IDO2: variants seen among roughly 807,000 people sequenced by gnomAD.
IDO2 encodes the protein indoleamine 2,3-dioxygenase-like 1 protein.
IDO2 carries 46 observed loss-of-function variants against 45.1 expected under a neutral mutation model. That is an observed-to-expected ratio of 1.02 (90% confidence interval 0.80 to 1.30). The LOEUF (loss-of-function observed/expected upper bound fraction) is 1.30, where lower values mean the gene tolerates loss of function less well. Ranked by LOEUF, IDO2 falls within the 50% of genes most tolerant of loss-of-function variation. The pLI is 0.00. For synonymous variants in IDO2, 218 were observed against 184.9 expected (o/e 1.18, Z -1.45); for missense variants, 544 against 491.8 (o/e 1.11, Z -1.00).
intron 3 of IDO2, among the ~76,000 whole-genome samples, chr8:39,969,284 A>C (rs1442372537): frequency 6.6e-6 from 1 of 152,324 alleles, no homozygotes; most frequent in East Asian, 1.9e-4. Context: ...ACAATAGTTA[A>C]AACTTTTTCT....
chr8:39,955,485 A>G (rs1279711315), intron 2 of IDO2, among the ~76,000 whole-genome samples: 1 of 151,812 alleles, frequency 6.6e-6, no homozygotes, highest in Admixed American at 6.6e-5. Context: ...CGAACTTCTG[A>G]CCTCAGGTGA....
intron 1 of IDO2, among the ~76,000 whole-genome samples, chr8:39,942,464 C>T (rs1371020329): frequency 6.6e-6 from 1 of 152,072 alleles, no homozygotes; most frequent in African/African-American, 2.4e-5. Flanking sequence ...GCCAACATGA[C>T]TAAAGCCTGT....
At chr8:40,015,218 A>C in intron 10 of IDO2, 29 bp from the exon 11 acceptor site, 1 of 1,255,846 alleles carries the variant, frequency 8.0e-7, no homozygotes, top group Non-Finnish European at 1.1e-6. Context: ...ATGTGGAGCT[A>C]TGACGTTATG....
At chr8:39,956,676 G>A (rs1807906537) in intron 2 of IDO2, among the ~76,000 whole-genome samples, 1 of 152,044 alleles carries the variant, frequency 6.6e-6, no homozygotes, top group African/African-American at 2.4e-5. Flanking sequence ...TATAGTAATA[G>A]TAATAACTAT....
chr8:39,980,192 T>C (rs1016747033), intron 4 of IDO2, among the ~76,000 whole-genome samples: 1 of 152,172 alleles, frequency 6.6e-6, no homozygotes, highest in Non-Finnish European at 1.5e-5. Context: ...ATTATCTAGG[T>C]TGCTCTTCAT....
chr8:40,013,268 T>C (rs1563444052), intron 9 of IDO2, among the ~76,000 whole-genome samples: 1 of 152,104 alleles, frequency 6.6e-6, no homozygotes, highest in Non-Finnish European at 1.5e-5. Flanking sequence ...TATAACTGAG[T>C]ATGTGCAATA....
intron 1 of IDO2, among the ~76,000 whole-genome samples, chr8:39,940,589 C>T (rs578099458): frequency 6.6e-6 from 1 of 152,278 alleles, no homozygotes; most frequent in South Asian, 2.1e-4. Flanking sequence ...CTGTTGGAAA[C>T]ATTCAAAACT....
At chr8:39,942,116 T>C (rs1807651541) in intron 1 of IDO2, among the ~76,000 whole-genome samples, 1 of 151,910 alleles carries the variant, frequency 6.6e-6, no homozygotes. Flanking sequence ...TAAGAAAGAA[T>C]TTTTAGAATG....
intron 8 of IDO2, among the ~76,000 whole-genome samples, chr8:40,000,042 A>G (rs1802109942): frequency 6.6e-6 from 1 of 152,230 alleles, no homozygotes; most frequent in South Asian, 2.1e-4. Flanking sequence ...CTTTAAAAAT[A>G]ATCAAAGACA....
At chr8:39,962,508 A>T (rs920691468) in intron 2 of IDO2, among the ~76,000 whole-genome samples, 1 of 152,170 alleles carries the variant, frequency 6.6e-6, no homozygotes, top group Non-Finnish European at 1.5e-5. Flanking sequence ...ATCTTTCATC[A>T]TCCTTTTGAT....
At chr8:39,949,476 G>A (rs1187245791) in intron 2 of IDO2, among the ~76,000 whole-genome samples, 1 of 152,008 alleles carries the variant, frequency 6.6e-6, no homozygotes, top group Non-Finnish European at 1.5e-5. Context: ...AACATTTTTT[G>A]TTTCAGTTTC....
At chr8:39,987,543 T>C (rs1808443579) in intron 6 of IDO2, 1 of 212,278 alleles carries the variant, frequency 4.7e-6, no homozygotes. Flanking sequence ...TGGGTCTCTC[T>C]AGCCCTGTGG....
intron 1 of IDO2, among the ~76,000 whole-genome samples, chr8:39,939,546 C>CAAAAAAAAAAAAAAA (rs55892879): frequency 1.4e-5 from 1 of 71,268 alleles, no homozygotes; most frequent in African/African-American, 5.8e-5. Context: ...GACTCTGTCT[C>CAAAAAAAAAAAAAAA]AAAAAAAAAA....
At chr8:39,997,479 T>C (rs1802063826) in intron 8 of IDO2, among the ~76,000 whole-genome samples, 1 of 151,472 alleles carries the variant, frequency 6.6e-6, no homozygotes, top group South Asian at 2.1e-4. Flanking sequence ...GAGACCAGCC[T>C]GGGCAACATA....
intron 1 of IDO2, among the ~76,000 whole-genome samples, chr8:39,943,057 T>C (rs1482048316): frequency 6.6e-6 from 1 of 152,138 alleles, no homozygotes; most frequent in Admixed American, 6.6e-5. Flanking sequence ...CTGAAGAGAA[T>C]TGAGAATTTT....
intron 9 of IDO2, among the ~76,000 whole-genome samples, chr8:40,007,285 C>T (rs1304136887): frequency 3.3e-5 from 5 of 151,926 alleles, no homozygotes; most frequent in Admixed American, 6.6e-5. Flanking sequence ...GGTGCAAGGA[C>T]AGAGTAGCAA....
At chr8:39,988,805 C>A (rs1373611968) in intron 7 of IDO2, among the ~76,000 whole-genome samples, 2 of 152,166 alleles carry the variant, frequency 1.3e-5, no homozygotes, top group Non-Finnish European at 2.9e-5. Flanking sequence ...CGCTTTCTTT[C>A]TCTCTCAGTA....
chr8:39,978,540 G>C (rs1368531914), intron 3 of IDO2, among the ~76,000 whole-genome samples: 2 of 152,120 alleles, frequency 1.3e-5, no homozygotes, highest in African/African-American at 4.8e-5. Flanking sequence ...TATAGGCATG[G>C]AGGGCGGGGG....
chr8:39,944,888 C>T (rs528355130), intron 1 of IDO2, among the ~76,000 whole-genome samples: 9 of 152,216 alleles, frequency 5.9e-5, no homozygotes, highest in Non-Finnish European at 7.4e-5. Flanking sequence ...GAAAGTGTGG[C>T]GTTTTTCCAA....
Sources: allele counts gnomAD v4.1 joint callset (sites outside exome capture counted in the v4.1 genomes callset), GRCh38; gene constraint gnomAD v4.1.1; transcripts MANE v1.5; gene names NCBI Gene and HGNC (gene_info 2026-07-23, HGNC 2026-07-21).